RTN4RL1: variants seen among roughly 807,000 people sequenced by gnomAD.
The protein encoded by RTN4RL1 is reticulon 4 receptor like 1.
Under a neutral mutation model 25.6 loss-of-function variants are expected in RTN4RL1, and 7 were observed. That is an observed-to-expected ratio of 0.27 (90% CI 0.16 to 0.51). The LOEUF (loss-of-function observed/expected upper bound fraction) is 0.51. Among genes scored for constraint, RTN4RL1 ranks in the 20% least tolerant of loss-of-function variants. The pLI, the probability that RTN4RL1 is intolerant of heterozygous loss-of-function variation, is 0.97. For synonymous variants in RTN4RL1, 297 were observed against 288.2 expected (o/e 1.03, Z -0.31); for missense variants, 500 against 615.6 (o/e 0.81, Z 1.99).
At chr17:1,946,608 ATG>A (rs1448967917) in intron 1 of RTN4RL1, among the ~76,000 whole-genome samples, 2 of 136,070 alleles carry the variant, frequency 1.5e-5, no homozygotes, top group Non-Finnish European at 3.1e-5. Context: ...TCTATGTTGA[ATG>A]TGTGTCTGTG....
chr17:2,000,681 G>A (rs2066952944), intron 1 of RTN4RL1, among the ~76,000 whole-genome samples: 1 of 151,960 alleles, frequency 6.6e-6, no homozygotes, highest in African/African-American at 2.4e-5. Flanking sequence ...CACCACGTCT[G>A]GCTAATTTTT....
chr17:1,947,976 T>C (rs980564431), intron 1 of RTN4RL1, among the ~76,000 whole-genome samples: 1 of 152,154 alleles, frequency 6.6e-6, no homozygotes, highest in East Asian at 1.9e-4. Flanking sequence ...GCCGTGATGA[T>C]TACGTTACTG....
At position 1,936,281 on chromosome 17, in the gene RTN4RL1, A is replaced by G. The variant is rs1597482704; in HGVS notation, c.*215T>C. Reference sequence around the variant, plus strand: ...TGGGCGCTCTGCGGGGCTGGCTGGGACAGCCGGCTGAGAAGCGCCACCCCC... The same window carrying G: ...TGGGCGCTCTGCGGGGCTGGCTGGGGCAGCCGGCTGAGAAGCGCCACCCCC... On this transcript the variant is annotated 3_prime_UTR_variant, in exon 2 of 2. Coordinates refer to ENST00000331238, the MANE Select transcript of RTN4RL1 (RefSeq NM_178568.4). 7.3e-7 allele frequency: 1 copy of G among 1,373,244 alleles called. No homozygotes were observed. Among genetic ancestry groups the G allele is most frequent in the Non-Finnish European group, 9.3e-7 (1 of 1,070,304 alleles). 85.1% of individuals were successfully genotyped at this position (1,373,244 alleles called of 1,614,324 possible). A position where few individuals can be genotyped will look rare whatever the true frequency, so the allele number is the denominator to read the frequency against.
intron 1 of RTN4RL1, among the ~76,000 whole-genome samples, chr17:1,953,128 C>T (rs974497891): frequency 6.6e-5 from 10 of 150,994 alleles, no homozygotes; most frequent in African/African-American, 9.7e-5. Flanking sequence ...AAAATTAAGG[C>T]GAGACATGGT....
In RTN4RL1 at chr17:1,994,525, C is replaced by T. The variant is rs1275669607; in HGVS notation, c.13+30328G>A. ...CAAGGGGCCTGCTCCATCCCCTTCC[C>T]ACCAGCTTGCGAGCTTATCAAACCC... On this transcript the variant is annotated intron_variant, in intron 1 of 1. Transcript: ENST00000331238. This position sits in a 1 kb window ranked among gnomAD's most constrained non-coding sequence, Gnocchi z 4.3. Among the ~76,000 whole-genome samples the T allele has an allele frequency of 6.6e-6, 1 of 152,176 alleles. No homozygotes were observed. Among genetic ancestry groups the T allele is most frequent in the Non-Finnish European group, 1.5e-5 (1 of 68,034 alleles).
chr17:1,999,594 T>C (rs8070780), intron 1 of RTN4RL1, among the ~76,000 whole-genome samples: 99,852 of 151,678 alleles, frequency 0.66, 33,137 homozygotes, highest in Middle Eastern at 0.72. Context: ...AGCACACACG[T>C]ACACAGAACA....
chr17:1,959,038 C>T (rs1353148713), intron 1 of RTN4RL1, among the ~76,000 whole-genome samples: 1 of 152,198 alleles, frequency 6.6e-6, no homozygotes, highest in Non-Finnish European at 1.5e-5. Flanking sequence ...CAAAACACGC[C>T]GGTGGGCGAG....
chr17:1,956,191 C>T (rs953512843), intron 1 of RTN4RL1, among the ~76,000 whole-genome samples: 3 of 152,172 alleles, frequency 2.0e-5, no homozygotes, highest in African/African-American at 7.2e-5. Context: ...CAGCAGGCAG[C>T]TCAGCAGGCA....
At chr17:1,968,697 C>T (rs115675176) in intron 1 of RTN4RL1, among the ~76,000 whole-genome samples, 2,006 of 151,974 alleles carry the variant, frequency 0.013, 55 homozygotes, top group African/African-American at 0.047. Flanking sequence ...TGCACATCCC[C>T]GGGCCTGAGG....
rs745495757 is a variant in RTN4RL1 at position 1,937,650 on chromosome 17, G to A, written c.172C>T (p.Arg58Cys). Residue 58 changes from arginine to cysteine, a missense_variant, in exon 2 of 2, where the codon CGC (arginine) becomes TGC (cysteine). Physicochemically the swap from Arg to Cys is radical, Grantham distance 180. Coordinates refer to ENST00000331238, the MANE Select transcript of RTN4RL1 (RefSeq NM_178568.4). ...ATGCGGTTGTTCTGCAGGAAGACGC[G>A]CTCGCTGTCCACGGGGATGCCCTCC... Reference protein sequence around the residue: ...IPEGIPVDSERVFLQNNRIGL... With the variant: ...IPEGIPVDSECVFLQNNRIGL... The A allele has an allele frequency of 1.2e-6, 2 of 1,613,818 alleles. No individual in the cohort carries two copies. Among genetic ancestry groups the A allele is most frequent in the East Asian group, 2.2e-5 (1 of 44,882 alleles).
At chr17:2,023,299 C>T (rs1483016665) in intron 1 of RTN4RL1, among the ~76,000 whole-genome samples, 1 of 152,186 alleles carries the variant, frequency 6.6e-6, no homozygotes, top group African/African-American at 2.4e-5. Flanking sequence ...TTGGCCAGCA[C>T]TGCTCGGTTG....
chr17:1,943,791 C>T (rs1356638989), intron 1 of RTN4RL1, among the ~76,000 whole-genome samples: 2 of 152,200 alleles, frequency 1.3e-5, no homozygotes, highest in Non-Finnish European at 2.9e-5. Context: ...GGAAGCCAGC[C>T]AGCGCACAGC....
At chr17:1,977,382 C>A (rs1027749087) in intron 1 of RTN4RL1, among the ~76,000 whole-genome samples, 2 of 152,156 alleles carry the variant, frequency 1.3e-5, no homozygotes, top group Non-Finnish European at 2.9e-5. Context: ...GCGGTGGTGA[C>A]CCTGACGACC....
intron 1 of RTN4RL1, among the ~76,000 whole-genome samples, chr17:2,009,157 G>A (rs1226512701): frequency 1.3e-5 from 2 of 152,230 alleles, no homozygotes; most frequent in Non-Finnish European, 2.9e-5. Flanking sequence ...GTTGTATGCT[G>A]TGGAGTAAAA....
At chr17:1,940,904 G>T (rs1422484404) in intron 1 of RTN4RL1, among the ~76,000 whole-genome samples, 1 of 152,184 alleles carries the variant, frequency 6.6e-6, no homozygotes, top group Non-Finnish European at 1.5e-5. Context: ...AGGCTTTTGG[G>T]GACGGGGCCA....
At chr17:2,008,230 T>C (rs1408420351) in intron 1 of RTN4RL1, among the ~76,000 whole-genome samples, 1 of 150,744 alleles carries the variant, frequency 6.6e-6, no homozygotes, top group Non-Finnish European at 1.5e-5. Flanking sequence ...GATTGCGCCA[T>C]TGCAATTCAG....
chr17:1,971,345 C>T (rs2066817966), intron 1 of RTN4RL1, among the ~76,000 whole-genome samples: 1 of 152,210 alleles, frequency 6.6e-6, no homozygotes, highest in African/African-American at 2.4e-5. Flanking sequence ...TCACGCAGAA[C>T]TGTAGGTCAA....
At chr17:1,944,698 C>T (rs1291394787) in intron 1 of RTN4RL1, among the ~76,000 whole-genome samples, 1 of 152,164 alleles carries the variant, frequency 6.6e-6, no homozygotes, top group Non-Finnish European at 1.5e-5. Context: ...CTCAGGTGAT[C>T]TGTTCACCTT....
At chr17:1,981,688 C>A (rs1192804106) in intron 1 of RTN4RL1, among the ~76,000 whole-genome samples, 1 of 152,158 alleles carries the variant, frequency 6.6e-6, no homozygotes, top group East Asian at 1.9e-4. Flanking sequence ...GTACACACTG[C>A]CCTGGGAGCT....
Sources: allele counts gnomAD v4.1 joint callset (sites outside exome capture counted in the v4.1 genomes callset), GRCh38; gene constraint gnomAD v4.1.1; non-coding constraint Gnocchi (gnomAD v3.1); transcripts MANE v1.5; gene names NCBI Gene and HGNC (gene_info 2026-07-23, HGNC 2026-07-21).